The following GATAD2B variants were observed in gnomAD, a reference collection of about 807,000 sequenced individuals.
GATAD2B encodes the protein GATA zinc finger domain containing 2B.
In GATAD2B, 8 loss-of-function variants were observed where a neutral mutation model predicts 64.3. The ratio of observed to expected loss-of-function variants is 0.12; its 90% CI spans 0.07 to 0.22. The LOEUF is 0.22. Among genes scored for constraint, GATAD2B ranks in the 10% least tolerant of loss-of-function variants. The probability of loss-of-function intolerance (pLI) is 1.00; values close to 1 mark genes in which losing one functional copy is unlikely to be tolerated. For missense variants in GATAD2B, 453 were observed against 752.0 expected, an observed-to-expected ratio of 0.60 and a Z score of 4.65; for synonymous variants, 281 against 271.3, an observed-to-expected ratio of 1.04 and a Z score of -0.35.
At chr1:153,911,271 A>T (rs1218066933) in intron 1 of GATAD2B, among the ~76,000 whole-genome samples, 2 of 152,074 alleles carry the variant, frequency 1.3e-5, no homozygotes, top group African/African-American at 2.4e-5. Flanking sequence ...GGTTTTTTTT[A>T]AAGAAAGACA....
At chr1:153,894,580 G>A (rs1040716258) in intron 1 of GATAD2B, among the ~76,000 whole-genome samples, 3 of 151,938 alleles carry the variant, frequency 2.0e-5, no homozygotes, top group African/African-American at 4.8e-5. Context: ...AAAAGTTTAC[G>A]GGCCAGGTAC....
intron 1 of GATAD2B, among the ~76,000 whole-genome samples, chr1:153,867,385 A>G (rs998512375): frequency 1.4e-4 from 21 of 152,164 alleles, no homozygotes; most frequent in African/African-American, 4.8e-4. Flanking sequence ...ATGAATGATT[A>G]TGGAAGACAC....
At chr1:153,912,231 A>G (rs1678129573) in intron 1 of GATAD2B, among the ~76,000 whole-genome samples, 1 of 152,226 alleles carries the variant, frequency 6.6e-6, no homozygotes, top group African/African-American at 2.4e-5. Context: ...TGAGTTCTCA[A>G]AAGAAATTGA....
rs1674063471 is a variant in GATAD2B at position 153,804,803 on chromosome 1, T to C, written c.*5374A>G. 6.6e-6 allele frequency: 1 copy of C among 152,656 alleles called. No individual in the cohort carries two copies. The highest frequency in any genetic ancestry group is 1.5e-5 in the Non-Finnish European group (1 of 68,038). 9.5% of individuals were successfully genotyped at this position (152,656 alleles called of 1,614,324 possible). ...ACAAAGTTTTTTTTTCTTTTAATCCTTTCTCCAAAAATTAGCTTATTATTT... is the reference window on the plus strand; with the variant it reads ...ACAAAGTTTTTTTTTCTTTTAATCCCTTCTCCAAAAATTAGCTTATTATTT... On this transcript the variant is annotated 3_prime_UTR_variant, in exon 11 of 11. Transcript: ENST00000368655.
intron 1 of GATAD2B, among the ~76,000 whole-genome samples, chr1:153,907,637 ATTTTTT>A (rs531249482): frequency 2.8e-5 from 4 of 141,774 alleles, no homozygotes; most frequent in African/African-American, 1.0e-4. Context: ...AAAAGGGTAA[ATTTTTT>A]TTTTTTTTTT....
intron 1 of GATAD2B, among the ~76,000 whole-genome samples, chr1:153,872,046 G>A (rs186135403): frequency 4.6e-5 from 7 of 152,124 alleles, no homozygotes; most frequent in Non-Finnish European, 7.4e-5. Context: ...GGCTAGGCGC[G>A]GTGGCTCATG....
intron 1 of GATAD2B, among the ~76,000 whole-genome samples, chr1:153,845,499 A>T (rs1007653802): frequency 6.6e-6 from 1 of 152,168 alleles, no homozygotes; most frequent in Admixed American, 6.6e-5. Context: ...TAATCCCAGC[A>T]CTTTGGGAGG....
intron 1 of GATAD2B, among the ~76,000 whole-genome samples, chr1:153,841,060 G>T (rs1297928045): frequency 6.7e-6 from 1 of 150,102 alleles, no homozygotes; most frequent in African/African-American, 2.4e-5. Context: ...AGGAGGCCGA[G>T]GTTGCAGTGA....
chr1:153,864,163 T>C (rs1676400680), intron 1 of GATAD2B, among the ~76,000 whole-genome samples: 1 of 152,130 alleles, frequency 6.6e-6, no homozygotes, highest in Non-Finnish European at 1.5e-5. Flanking sequence ...ACAAAACATG[T>C]TGTAAGTGAT....
At chr1:153,854,791 A>T (rs1053882760) in intron 1 of GATAD2B, among the ~76,000 whole-genome samples, 2 of 152,226 alleles carry the variant, frequency 1.3e-5, no homozygotes, top group Non-Finnish European at 2.9e-5. Flanking sequence ...TAATTGCAAA[A>T]GGAAAAACAC....
intron 1 of GATAD2B, among the ~76,000 whole-genome samples, chr1:153,919,973 G>A (rs768363847): frequency 1.4e-4 from 22 of 152,178 alleles, no homozygotes; most frequent in Non-Finnish European, 2.9e-4. Context: ...AACCAAAGCT[G>A]GTTGGCTTTT....
chr1:153,860,310 G>C (rs1676237577), intron 1 of GATAD2B, among the ~76,000 whole-genome samples: 1 of 152,092 alleles, frequency 6.6e-6, no homozygotes, highest in South Asian at 2.1e-4. Flanking sequence ...CAGAAGTCAT[G>C]AATGGTATGT....
intron 1 of GATAD2B, among the ~76,000 whole-genome samples, chr1:153,890,314 C>A (rs1342931904): frequency 6.6e-6 from 1 of 151,472 alleles, no homozygotes; most frequent in Non-Finnish European, 1.5e-5. Flanking sequence ...CAGTGAGACC[C>A]CGTCTCTCCT....
chr1:153,881,782 C>CAT (rs112871118), intron 1 of GATAD2B, among the ~76,000 whole-genome samples: 1 of 149,848 alleles, frequency 6.7e-6, no homozygotes, highest in Admixed American at 6.7e-5. Context: ...AGGTTTTTTT[C>CAT]GTGTGTGTGT....
chr1:153,853,970 G>A (rs1446420449), intron 1 of GATAD2B, among the ~76,000 whole-genome samples: 1 of 152,078 alleles, frequency 6.6e-6, no homozygotes, highest in Non-Finnish European at 1.5e-5. Flanking sequence ...AAGTTTCCTT[G>A]TTTCCTCAAA....
chr1:153,819,160 C>T (rs1674586219), intron 3 of GATAD2B, among the ~76,000 whole-genome samples: 1 of 152,180 alleles, frequency 6.6e-6, no homozygotes, highest in Admixed American at 6.5e-5. Context: ...CAGCCAGATT[C>T]CTGGCAAAAA....
At chr1:153,904,279 C>CAAAT (rs71093301) in intron 1 of GATAD2B, among the ~76,000 whole-genome samples, 12,587 of 147,262 alleles carry the variant, frequency 0.085, 779 homozygotes, top group African/African-American at 0.17. Context: ...AACTCCATCT[C>CAAAT]AAATAAATAA....
At chr1:153,877,011 G>T (rs191123642) in intron 1 of GATAD2B, among the ~76,000 whole-genome samples, 1 of 151,542 alleles carries the variant, frequency 6.6e-6, no homozygotes. Flanking sequence ...GCGAGACTCC[G>T]CCTCAAAAAA....
intron 10 of GATAD2B, 60 bp downstream of exon 10, chr1:153,811,671 G>C: frequency 1.0e-6 from 1 of 997,472 alleles, no homozygotes; most frequent in Non-Finnish European, 1.6e-6. Context: ...GGCTGCTACA[G>C]AACTGTATAC....
Sources: allele counts gnomAD v4.1 joint callset (sites outside exome capture counted in the v4.1 genomes callset), GRCh38; gene constraint gnomAD v4.1.1; transcripts MANE v1.5; gene names NCBI Gene and HGNC (gene_info 2026-07-23, HGNC 2026-07-21).